Variants in PUM1 observed in about 807,000 individuals in gnomAD.
PUM1 encodes the protein pumilio homolog 1.
In PUM1, 13 loss-of-function variants were observed where a neutral mutation model predicts 131.8. The ratio of observed to expected loss-of-function variants is 0.10; its 90% confidence interval spans 0.06 to 0.16. PUM1 has a LOEUF of 0.16. PUM1 is among the 10% of genes least tolerant of loss of function. The probability of loss-of-function intolerance (pLI) is 1.00; values close to 1 mark genes in which losing one functional copy is unlikely to be tolerated. For synonymous variants in PUM1, 509 were observed against 556.5 expected, an observed-to-expected ratio of 0.91 and a Z score of 1.20; for missense variants, 961 against 1,512.4, an observed-to-expected ratio of 0.64 and a Z score of 6.05.
At position 31,042,857 on chromosome 1, in the gene PUM1, A is replaced by G. The variant is rs146072146; in HGVS notation, c.364-13993T>C. ...TCGGCTCACTGCAGACTCCACCTCC[A>G]AGAGTCAAGCCATTACAGGCATGCA... On this transcript the variant is annotated intron_variant, in intron 2 of 21. Transcript: ENST00000426105. Among the ~76,000 whole-genome samples, 115 of 152,296 alleles carry G rather than the reference A, an allele frequency of 7.6e-4. 1 individual carries two copies. Among genetic ancestry groups the G allele is most frequent in the African/African-American group, 2.6e-3 (109 of 41,576 alleles).
At chr1:30,941,094 T>C in intron 20 of PUM1, 57 bp downstream of exon 20, 1 of 1,530,090 alleles carries the variant, frequency 6.5e-7, no homozygotes. Flanking sequence ...ATAATTATAG[T>C]TCAATACTAC....
At chr1:30,970,711 A>G (rs192820360) in intron 10 of PUM1, among the ~76,000 whole-genome samples, 141 of 152,362 alleles carry the variant, frequency 9.3e-4, no homozygotes, top group African/African-American at 3.1e-3. Flanking sequence ...CCAAATACTT[A>G]GAATTTACAT....
intron 9 of PUM1, 72 bp from the exon 10 acceptor site, chr1:30,974,874 T>C: frequency 1.7e-6 from 2 of 1,187,566 alleles, no homozygotes; most frequent in Admixed American, 2.5e-5. Context: ...CAAAATTACA[T>C]CTGACTCAAT....
At chr1:31,045,714 A>G (rs1192660523) in intron 2 of PUM1, among the ~76,000 whole-genome samples, 2 of 152,246 alleles carry the variant, frequency 1.3e-5, no homozygotes, top group Non-Finnish European at 2.9e-5. Context: ...ACCATAAAAG[A>G]GCACTTACTA....
At chr1:30,952,766 T>C (rs1340864498) in intron 15 of PUM1, among the ~76,000 whole-genome samples, 1 of 151,340 alleles carries the variant, frequency 6.6e-6, no homozygotes, top group Non-Finnish European at 1.5e-5. Context: ...CTACTTGACT[T>C]TTTTCCTTTA....
intron 10 of PUM1, among the ~76,000 whole-genome samples, chr1:30,973,390 G>A (rs1226315117): frequency 3.9e-5 from 6 of 152,212 alleles, no homozygotes; most frequent in South Asian, 4.1e-4. Context: ...CTGACAATGC[G>A]TATCGAAGCC....
intron 2 of PUM1, among the ~76,000 whole-genome samples, chr1:31,042,473 A>G (rs10798821): frequency 0.29 from 43,256 of 151,748 alleles, 7,950 homozygotes; most frequent in East Asian, 0.53. Context: ...GCACTTCATC[A>G]GGGGAAAAAA....
chr1:30,963,740 G>A (rs1193693530), intron 14 of PUM1, among the ~76,000 whole-genome samples: 1 of 152,192 alleles, frequency 6.6e-6, no homozygotes, highest in East Asian at 1.9e-4. Flanking sequence ...GTGGCCACAT[G>A]TGCTGATTTG....
At chr1:31,063,380 C>A (rs1338501225) in intron 1 of PUM1, among the ~76,000 whole-genome samples, 1 of 151,924 alleles carries the variant, frequency 6.6e-6, no homozygotes, top group Non-Finnish European at 1.5e-5. Context: ...TTTAGTTACC[C>A]CTAGTTAAGG....
intron 3 of PUM1, among the ~76,000 whole-genome samples, chr1:31,023,743 A>G (rs1204612661): frequency 1.5e-5 from 2 of 134,926 alleles, no homozygotes; most frequent in Non-Finnish European, 3.4e-5. Flanking sequence ...ATCCTGGCCA[A>G]CATGGTGAAA....
At chr1:30,964,252 A>C (rs778689367) in intron 14 of PUM1, among the ~76,000 whole-genome samples, 1 of 152,212 alleles carries the variant, frequency 6.6e-6, no homozygotes, top group Non-Finnish European at 1.5e-5. Context: ...GCAAGATATT[A>C]TATGTACATA....
At position 30,981,363 on chromosome 1, in the gene PUM1, C is replaced by G; in HGVS notation, c.1201G>C (p.Ala401Pro). The G allele has an allele frequency of 6.2e-7, 1 of 1,605,222 alleles. No individual in the cohort carries two copies. Among genetic ancestry groups the G allele is most frequent in the Non-Finnish European group, 8.5e-7 (1 of 1,175,068 alleles). The change falls in exon 8 of 22, where the codon GCT (alanine) becomes CCT (proline). Residue 401 changes from alanine (A) to proline (P), a missense_variant. Coordinates refer to ENST00000426105, the MANE Select transcript of PUM1 (RefSeq NM_001020658.2). ...AGTGCATACTGCTGCTGCTGAGCAG[C>G]TGTCAACTGCTGGACAGCAAGCGCA... Reference protein sequence around the residue: ...PNALAVQQLTAAQQQQYALAA... With the variant: ...PNALAVQQLTPAQQQQYALAA...
intron 3 of PUM1, 40 bp from the exon 4 acceptor site, chr1:31,007,142 A>G: frequency 6.9e-7 from 1 of 1,448,760 alleles, no homozygotes; most frequent in Non-Finnish European, 9.7e-7. Context: ...AAGAATTCAT[A>G]AAGGATGAAA....
rs748918594 is a variant in PUM1 at position 30,941,164 on chromosome 1, G to A, written c.3229C>T (p.His1077Tyr). The A allele has an allele frequency of 6.2e-7, 1 of 1,613,198 alleles. No homozygotes were observed. The highest frequency in any genetic ancestry group is 8.5e-7 in the Non-Finnish European group (1 of 1,179,532). Residue 1077 changes from histidine (H) to tyrosine (Y), a missense_variant, in exon 20 of 22, where the codon CAC (histidine) becomes TAC (tyrosine). By Grantham distance (83) the His-to-Tyr change is moderately conservative. Coordinates refer to ENST00000426105, the MANE Select transcript of PUM1 (RefSeq NM_001020658.2). ...IRGNVLVLSQHKFASNVVEKC... is the reference protein window; with the variant it reads ...IRGNVLVLSQYKFASNVVEKC... ...CAAAGCACGTACCTTGCAAATTTGT[G>A]CTGACTCAATACAAGTACATTGCCT...
At chr1:30,995,513 C>A (rs1292495524) in intron 5 of PUM1, among the ~76,000 whole-genome samples, 1 of 151,106 alleles carries the variant, frequency 6.6e-6, no homozygotes, top group Non-Finnish European at 1.5e-5. Flanking sequence ...CCTTTTTTTT[C>A]TTCCTACCCA....
At position 30,932,034 on chromosome 1, in the gene PUM1, C is replaced by G. The variant is rs982875261; in HGVS notation, c.*1177G>C. 1.3e-5 allele frequency: 2 copies of G among 152,526 alleles called. No individual in the cohort carries two copies. Among genetic ancestry groups the G allele is most frequent in the South Asian group, 2.1e-4 (1 of 4,828 alleles). The allele number at this position is 152,526 out of a possible 1,614,324, so 9.4% of individuals were successfully genotyped here. A position where few individuals can be genotyped will look rare whatever the true frequency, so the allele number is the denominator to read the frequency against. ...CTATTTTTTTCTTTTTAAACATTAA[C>G]TAGGCTGTATAAAGAACATTTATTC... is the stretch of plus-strand genomic sequence containing the variant. On this transcript the variant is annotated 3_prime_UTR_variant, in exon 22 of 22. Coordinates refer to ENST00000426105, the MANE Select transcript of PUM1 (RefSeq NM_001020658.2).
At position 30,981,377 on chromosome 1, in the gene PUM1, A is replaced by G. The variant is rs549180860; in HGVS notation, c.1187T>C (p.Val396Ala). Residue 396 changes from valine (V) to alanine (A), a missense_variant, in exon 8 of 22, where the codon GTC becomes GCC. Physicochemically the swap from Val to Ala is moderately conservative, Grantham distance 64. Coordinates refer to ENST00000426105, the MANE Select transcript of PUM1 (RefSeq NM_001020658.2). ...CTGCTGAGCAGCTGTCAACTGCTGGACAGCAAGCGCATTAGGTCTTTGGAA... is the reference window on the plus strand; with the variant it reads ...CTGCTGAGCAGCTGTCAACTGCTGGGCAGCAAGCGCATTAGGTCTTTGGAA... ...QLFQRPNALAVQQLTAAQQQQ... is the reference protein window; with the variant it reads ...QLFQRPNALAAQQLTAAQQQQ... 1.2e-6 allele frequency: 2 copies of G among 1,604,950 alleles called. No individual in the cohort carries two copies. Among genetic ancestry groups the G allele is most frequent in the African/African-American group, 2.7e-5 (2 of 74,882 alleles).
rs1364302440 is a variant in PUM1, at chr1:31,050,055, T to G, written c.363+9149A>C. On this transcript the variant is annotated intron_variant, in intron 2 of 21. Coordinates refer to ENST00000426105, the MANE Select transcript of PUM1 (RefSeq NM_001020658.2). ...CATGTTGGCCAGGCTGGTCTCAAAC[T>G]CCTGACCTCAGGTGATCCGCCCACC... Among the ~76,000 whole-genome samples the G allele has an allele frequency of 6.8e-4, 103 of 151,374 alleles. 1 individual carries two copies. The highest frequency in any genetic ancestry group is 1.5e-5 in the Non-Finnish European group (1 of 67,908).
At chr1:31,006,911 TA>T in intron 4 of PUM1, 82 bp downstream of exon 4, 1 of 1,051,342 alleles carries the variant, frequency 9.5e-7, no homozygotes, top group South Asian at 1.4e-5. Context: ...GTCACTGATG[TA>T]AAATTCATGA....
Sources: allele counts gnomAD v4.1 joint callset (sites outside exome capture counted in the v4.1 genomes callset), GRCh38; gene constraint gnomAD v4.1.1; transcripts MANE v1.5; gene names NCBI Gene and HGNC (gene_info 2026-07-23, HGNC 2026-07-21).